DUSP16: variants seen among roughly 807,000 people sequenced by gnomAD.
DUSP16 encodes dual specificity phosphatase 16.
A neutral mutation model predicts 58.3 loss-of-function variants in DUSP16; 21 were observed. That is an observed-to-expected ratio of 0.36 (90% confidence interval 0.26 to 0.52). The LOEUF (loss-of-function observed/expected upper bound fraction) is 0.52. DUSP16 is among the 20% of genes least tolerant of loss of function. The pLI, the probability that DUSP16 is intolerant of heterozygous loss-of-function variation, is 0.94. For missense variants in DUSP16, 726 were observed against 819.0 expected, an observed-to-expected ratio of 0.89 and a Z score of 1.39; for synonymous variants, 320 against 323.8, an observed-to-expected ratio of 0.99 and a Z score of 0.12.
chr12:12,535,020 T>G (rs970213736), intron 1 of DUSP16, among the ~76,000 whole-genome samples: 1 of 152,216 alleles, frequency 6.6e-6, no homozygotes, highest in Admixed American at 6.5e-5. Context: ...CTAGATTATT[T>G]AGAAAACAAA....
chr12:12,480,297 C>G lies in DUSP16; in HGVS notation c.741G>C (p.Gly247=), dbSNP rs1297444490. 6.2e-7 allele frequency: 1 copy of G among 1,614,042 alleles called. No homozygotes were observed. Among genetic ancestry groups the G allele is most frequent in the Non-Finnish European group, 8.5e-7 (1 of 1,179,998 alleles). Residue 247 remains glycine, a synonymous_variant, in exon 6 of 7, where the codon GGG becomes GGC. Transcript: ENST00000298573. The part of the protein sequence containing the change: ...NGCVLVHCLA[G]ISRSATIAIA... Reference sequence around the variant, plus strand: ...TAGCGATGGTGGCGGAGCGGGAGATCCCAGCTAAACAGTGCACTAGAACAC... The same window carrying G: ...TAGCGATGGTGGCGGAGCGGGAGATGCCAGCTAAACAGTGCACTAGAACAC...
chr12:12,474,820 T>TA lies in DUSP16; in HGVS notation c.*2012dup, dbSNP rs1943391976. The TA allele has an allele frequency of 1.3e-5, 2 of 152,248 alleles. No homozygotes were observed. 9.4% of individuals were successfully genotyped at this position (152,248 alleles called of 1,614,324 possible). A position where few individuals can be genotyped will look rare whatever the true frequency, so the allele number is the denominator to read the frequency against. ...CCACACTCTGGAAGTGGTGAACTGT[T>TA]ACACATTTGGTGTGTGTGTACATAA... On this transcript the variant is annotated 3_prime_UTR_variant, in exon 7 of 7. Transcript: ENST00000298573.
intron 1 of DUSP16, among the ~76,000 whole-genome samples, chr12:12,541,835 G>A (rs1383964478): frequency 2.1e-5 from 3 of 145,716 alleles, no homozygotes; most frequent in African/African-American, 7.6e-5. Context: ...AATAATTTAA[G>A]AAAGGAAATG....
intron 4 of DUSP16, among the ~76,000 whole-genome samples, chr12:12,487,568 GAT>G (rs1475076781): frequency 2.0e-5 from 3 of 152,092 alleles, no homozygotes; most frequent in Non-Finnish European, 4.4e-5. Flanking sequence ...GGTTCTCTAA[GAT>G]ACAATTCTAG....
Position 12,520,977 on chromosome 12 carries a change from T to C in DUSP16, c.122A>G (p.His41Arg), listed in dbSNP as rs757535650. ...SRPFVEYNTSHILEAININCS... is the reference protein window; with the variant it reads ...SRPFVEYNTSRILEAININCS... The stretch of plus-strand genomic sequence containing the variant: ...GTTGATATTAATGGCTTCCAAAATG[T>C]GGGATGTATTGTATTCCACAAATGG... The change falls in exon 2 of 7, where the codon CAC becomes CGC. Residue 41 changes from histidine (H) to arginine (R), a missense_variant. By Grantham distance (29) the His-to-Arg change is conservative. Coordinates refer to ENST00000298573, the MANE Select transcript of DUSP16 (RefSeq NM_030640.3). 1.2e-6 allele frequency: 2 copies of C among 1,614,218 alleles called. No homozygotes were observed. Among genetic ancestry groups the C allele is most frequent in the Non-Finnish European group, 1.7e-6 (2 of 1,180,042 alleles).
At chr12:12,533,569 A>G (rs970787257) in intron 1 of DUSP16, among the ~76,000 whole-genome samples, 2 of 152,200 alleles carry the variant, frequency 1.3e-5, no homozygotes, top group East Asian at 3.8e-4. Flanking sequence ...CAGGAGCTAC[A>G]AAAACTCTAA....
chr12:12,516,867 G>A (rs894890188), intron 3 of DUSP16, among the ~76,000 whole-genome samples: 2 of 152,142 alleles, frequency 1.3e-5, no homozygotes, highest in South Asian at 2.1e-4. Flanking sequence ...TAGGCCTTGC[G>A]GGAACACAAA....
At chr12:12,508,402 T>C (rs574018870) in intron 3 of DUSP16, among the ~76,000 whole-genome samples, 1 of 152,316 alleles carries the variant, frequency 6.6e-6, no homozygotes, top group East Asian at 1.9e-4. Flanking sequence ...TGTTTCAATG[T>C]AGATACTTTG....
intron 4 of DUSP16, 105 bp downstream of exon 4, chr12:12,500,414 C>T: frequency 3.8e-6 from 5 of 1,331,590 alleles, no homozygotes; most frequent in Non-Finnish European, 4.1e-6. Flanking sequence ...AATGGCATAG[C>T]AGCTCCTGAG....
rs568007628 is a variant in DUSP16 at position 12,507,393 on chromosome 12, C to G, written c.368-6711G>C. ...ACTAGGGATTTATCAACTGGCAGAG[C>G]CGCCTTCAAGGAAGGCAGAATCAAA... On this transcript the variant is annotated intron_variant, in intron 3 of 6. Transcript: ENST00000298573. Among the ~76,000 whole-genome samples, 12 of 152,266 alleles carry G rather than the reference C, an allele frequency of 7.9e-5. No homozygotes were observed. In the East Asian group the frequency reaches 2.3e-3, roughly 29 times the overall value.
intron 5 of DUSP16, among the ~76,000 whole-genome samples, chr12:12,483,373 A>G (rs1943612601): frequency 6.6e-6 from 1 of 151,748 alleles, no homozygotes; most frequent in Non-Finnish European, 1.5e-5. Flanking sequence ...ACTTATTTTT[A>G]TTTTATCTTT....
chr12:12,490,090 AT>A (rs1204755674), intron 4 of DUSP16, among the ~76,000 whole-genome samples: 7 of 151,862 alleles, frequency 4.6e-5, no homozygotes, highest in African/African-American at 7.3e-5. Context: ...ATTTTTAAAC[AT>A]TTTTTTTGTA....
At chr12:12,485,034 G>C (rs1016285649) in intron 5 of DUSP16, among the ~76,000 whole-genome samples, 1 of 144,018 alleles carries the variant, frequency 6.9e-6, no homozygotes, top group African/African-American at 2.6e-5. Context: ...TTTTGAGATA[G>C]AGTTTCACTC....
intron 1 of DUSP16, among the ~76,000 whole-genome samples, chr12:12,555,842 A>C (rs1944797881): frequency 6.6e-6 from 1 of 152,182 alleles, no homozygotes; most frequent in African/African-American, 2.4e-5. Context: ...CAGGAGTTCA[A>C]GACTAGCTGG....
intron 5 of DUSP16, among the ~76,000 whole-genome samples, chr12:12,484,047 T>C (rs1213932868): frequency 6.6e-6 from 1 of 152,070 alleles, no homozygotes; most frequent in Non-Finnish European, 1.5e-5. Flanking sequence ...TGAGAATAAT[T>C]AGCTCTTGCC....
intron 1 of DUSP16, among the ~76,000 whole-genome samples, chr12:12,529,034 T>C (rs1374492928): frequency 6.6e-6 from 1 of 152,158 alleles, no homozygotes; most frequent in Non-Finnish European, 1.5e-5. Flanking sequence ...CAATAAAAGA[T>C]GTGGCAGGTG....
chr12:12,496,581 A>G (rs1443929683), intron 4 of DUSP16, among the ~76,000 whole-genome samples: 1 of 152,256 alleles, frequency 6.6e-6, no homozygotes, highest in African/African-American at 2.4e-5. Context: ...GTTCTGCTTA[A>G]TAACTACTCC....
At chr12:12,527,949 ACCTATAATGCCTG>A (rs1273745509) in intron 1 of DUSP16, among the ~76,000 whole-genome samples, 1 of 152,160 alleles carries the variant, frequency 6.6e-6, no homozygotes, top group Non-Finnish European at 1.5e-5. Flanking sequence ...TTCAAAGACT[ACCTATAATGCCTG>A]CGCTTTTAGG....
Position 12,474,519 on chromosome 12 carries a change from C to G in DUSP16, c.*2314G>C, listed in dbSNP as rs557734255. ...ACATGCTGAAGAGAGCCAGCCACCA[C>G]CCCACCTAAAGACATCCAAGCAGCT... On this transcript the variant is annotated 3_prime_UTR_variant, in exon 7 of 7. Coordinates refer to ENST00000298573, the MANE Select transcript of DUSP16 (RefSeq NM_030640.3). 1 of 152,512 alleles carries G rather than the reference C, an allele frequency of 6.6e-6. No homozygotes were observed. 9.4% of individuals were successfully genotyped at this position (152,512 alleles called of 1,614,324 possible).
Sources: allele counts gnomAD v4.1 joint callset (sites outside exome capture counted in the v4.1 genomes callset), GRCh38; gene constraint gnomAD v4.1.1; transcripts MANE v1.5; gene names NCBI Gene and HGNC (gene_info 2026-07-23, HGNC 2026-07-21).